EML5: variants seen among roughly 807,000 people sequenced by gnomAD.
EML5 encodes the protein EMAP like 5.
In EML5, 120 loss-of-function variants were observed where a neutral mutation model predicts 250.0. The ratio of observed to expected loss-of-function variants is 0.48; its 90% CI spans 0.41 to 0.56. EML5 has a LOEUF of 0.56. Ranked by LOEUF, EML5 falls within the 20% of genes least tolerant of loss-of-function variation. EML5 has a pLI of 0.00. For missense variants in EML5, 2,006 were observed against 2,437.6 expected, an observed-to-expected ratio of 0.82 and a Z score of 3.73; for synonymous variants, 771 against 806.5, an observed-to-expected ratio of 0.96 and a Z score of 0.75.
intron 37 of EML5, chr14:88,621,930 TTAAC>T (rs1185057620): frequency 2.2e-6 from 1 of 455,260 alleles, no homozygotes; most frequent in Non-Finnish European, 4.4e-6. Flanking sequence ...TACGTGATTC[TTAAC>T]TATAGTCATC....
At chr14:88,738,665 T>C (rs1812163146) in intron 6 of EML5, among the ~76,000 whole-genome samples, 1 of 152,190 alleles carries the variant, frequency 6.6e-6, no homozygotes. Context: ...ATTAGACTTA[T>C]GAAAGAATCT....
At chr14:88,644,140 G>A (rs1314604425) in intron 30 of EML5, among the ~76,000 whole-genome samples, 2 of 152,140 alleles carry the variant, frequency 1.3e-5, no homozygotes, top group Admixed American at 1.3e-4. Context: ...CTGCCAAGGT[G>A]TCTGTGCTTC....
At chr14:88,617,382 G>C (rs944362878) in intron 41 of EML5, 1 of 152,740 alleles carries the variant, frequency 6.5e-6, no homozygotes, top group Non-Finnish European at 1.5e-5. Flanking sequence ...CCCGACCTCA[G>C]GTGATCACCC....
Position 88,661,768 on chromosome 14 carries a change from C to A in EML5, c.3561G>T (p.Trp1187Cys), listed in dbSNP as rs1259363968. 8.7e-6 allele frequency: 14 copies of A among 1,613,538 alleles called. No homozygotes were observed. The highest frequency in any genetic ancestry group is 1.2e-5 in the Non-Finnish European group (14 of 1,179,758). ...SVLGLCCEGI[W>C]PVIGEVTDVT... ...CATCTGTAACTTCTCCAATTACTGG[C>A]CAAATTCCTTCACAGCATAAACCAA... Residue 1187 changes from tryptophan (W) to cysteine (C), a missense_variant, in exon 25 of 44, where the codon TGG (tryptophan) becomes TGT (cysteine). Coordinates refer to ENST00000554922, the MANE Select transcript of EML5 (RefSeq NM_183387.3).
chr14:88,618,517 G>T, intron 40 of EML5, 133 bp downstream of exon 40: 1 of 1,176,872 alleles, frequency 8.5e-7, no homozygotes, highest in Non-Finnish European at 1.2e-6. Flanking sequence ...AAGGGGAGCT[G>T]TAGGTCAGAA....
In EML5 at chr14:88,746,294, T is replaced by G. The variant is rs2094003462; in HGVS notation, c.358-11A>C. On this transcript the variant is annotated splice_polypyrimidine_tract_variant and intron_variant, in intron 2 of 43. Coordinates refer to ENST00000554922, the MANE Select transcript of EML5 (RefSeq NM_183387.3). ...AACTGAAACCAAGCGCTGATTTATG[T>G]CCAAGAAGTCCAGGAAGGAATAAAA... The G allele has an allele frequency of 1.2e-6, 2 of 1,608,816 alleles. No individual in the cohort carries two copies. Among genetic ancestry groups the G allele is most frequent in the Non-Finnish European group, 1.7e-6 (2 of 1,177,146 alleles).
intron 8 of EML5, among the ~76,000 whole-genome samples, chr14:88,720,790 A>G (rs902178670): frequency 3.3e-5 from 5 of 152,208 alleles, no homozygotes; most frequent in African/African-American, 1.2e-4. Flanking sequence ...ATGAGACAAG[A>G]AAAAGAAATA....
At chr14:88,687,406 C>A in intron 18 of EML5, 79 bp from the exon 19 acceptor site, 1 of 1,013,718 alleles carries the variant, frequency 9.9e-7, no homozygotes, top group South Asian at 1.7e-5. Context: ...ATATTGAAAA[C>A]TTCTAGAAAA....
chr14:88,738,245 A>G (rs942809563), intron 6 of EML5, among the ~76,000 whole-genome samples: 9 of 152,172 alleles, frequency 5.9e-5, no homozygotes, highest in Non-Finnish European at 1.3e-4. Context: ...AGGATCCTAT[A>G]TCCTAAATAA....
intron 10 of EML5, among the ~76,000 whole-genome samples, chr14:88,710,842 G>C (rs1377653067): frequency 6.6e-6 from 1 of 152,050 alleles, no homozygotes; most frequent in South Asian, 2.1e-4. Flanking sequence ...TTAGGCTTTG[G>C]TAAAATATTC....
intron 17 of EML5, among the ~76,000 whole-genome samples, chr14:88,690,961 G>A (rs1306336629): frequency 6.6e-6 from 1 of 152,200 alleles, no homozygotes; most frequent in Non-Finnish European, 1.5e-5. Flanking sequence ...AGCACTCTGA[G>A]CTGCAGAGAC....
At chr14:88,735,039 T>C (rs2093817985) in intron 7 of EML5, among the ~76,000 whole-genome samples, 2 of 152,102 alleles carry the variant, frequency 1.3e-5, no homozygotes, top group South Asian at 2.1e-4. Flanking sequence ...GTTTGAGATA[T>C]CTTTTAAAGA....
chr14:88,760,814 A>G (rs992763712), intron 1 of EML5, among the ~76,000 whole-genome samples: 3 of 152,072 alleles, frequency 2.0e-5, no homozygotes, highest in Admixed American at 2.0e-4. Flanking sequence ...TCCATTTTTC[A>G]GGTATTCTTT....
At position 88,660,530 on chromosome 14, in the gene EML5, C is replaced by G. The variant is rs2092050847; in HGVS notation, c.3675+1124G>C. ...GGTCGAAGTGGGCGGATCACAAGGT[C>G]AGGAGTTTGAGACCAGCCTGACCAA... On this transcript the variant is annotated intron_variant, in intron 25 of 43. Coordinates refer to ENST00000554922, the MANE Select transcript of EML5 (RefSeq NM_183387.3). Among the ~76,000 whole-genome samples the G allele has an allele frequency of 3.3e-5, 5 of 152,110 alleles. No homozygotes were observed. The South Asian group carries it at 1.0e-3, about 32-fold the overall frequency.
At chr14:88,621,947 ACAG>A in intron 37 of EML5, 1 of 452,432 alleles carries the variant, frequency 2.2e-6, no homozygotes, top group South Asian at 1.6e-5. Context: ...TAGTCATCCT[ACAG>A]TACTACAGAA....
intron 14 of EML5, 64 bp downstream of exon 14, chr14:88,702,382 T>G (rs768600619): frequency 4.2e-5 from 53 of 1,260,424 alleles, no homozygotes; most frequent in Middle Eastern, 4.0e-4. Context: ...GATATGTGAT[T>G]AATTTATTTA....
intron 8 of EML5, among the ~76,000 whole-genome samples, chr14:88,725,260 C>G (rs146377281): frequency 3.9e-5 from 6 of 152,158 alleles, no homozygotes; most frequent in African/African-American, 7.2e-5. Flanking sequence ...TGTGAATGTA[C>G]TTAATGGCAC....
chr14:88,738,892 G>A lies in EML5; in HGVS notation c.834C>T (p.Asp278=), dbSNP rs530032247. The A allele has an allele frequency of 1.9e-6, 3 of 1,571,706 alleles. No individual in the cohort carries two copies. In the South Asian group the frequency reaches 3.5e-5, roughly 19 times the overall value. Residue 278 remains aspartate, a synonymous_variant, in exon 6 of 44, where the codon GAC becomes GAT. Coordinates refer to ENST00000554922, the MANE Select transcript of EML5 (RefSeq NM_183387.3). ...TTTTGTTATTACCTTTGTATCCCTG[G>A]TCTGTTTCCCTGAGATCAATCACAG... ...PITVIDLRET[D]QGYKGLSVRS... is the part of the protein sequence containing the mutation.
intron 1 of EML5, among the ~76,000 whole-genome samples, chr14:88,776,822 A>C (rs765944820): frequency 1.3e-5 from 2 of 152,128 alleles, no homozygotes; most frequent in Non-Finnish European, 2.9e-5. Flanking sequence ...CAGAGGTTGC[A>C]GTGAGCTGAG....
Sources: gnomAD v4.1 joint callset for allele counts (sites outside exome capture counted in the v4.1 genomes callset) on GRCh38, gnomAD v4.1.1 for gene constraint, MANE v1.5 for transcripts, NCBI Gene and HGNC (gene_info 2026-07-23, HGNC 2026-07-21) for gene names.